The following ZNF462 variants were observed in gnomAD, a reference collection of about 807,000 sequenced individuals.
ZNF462 encodes zinc finger protein 462.
A neutral mutation model predicts 201.9 loss-of-function variants in ZNF462; 10 were observed. The ratio of observed to expected loss-of-function variants is 0.05; its 90% CI spans 0.03 to 0.08. The LOEUF is 0.08. Ranked by LOEUF, ZNF462 falls within the 10% of genes least tolerant of loss-of-function variation. The pLI, the probability that ZNF462 is intolerant of heterozygous loss-of-function variation, is 1.00. For missense variants in ZNF462, 2,523 were observed against 3,168.3 expected, an observed-to-expected ratio of 0.80 and a Z score of 4.89; for synonymous variants, 1,227 against 1,193.3, an observed-to-expected ratio of 1.03 and a Z score of -0.58.
chr9:106,903,059 AT>A (rs912042145), intron 1 of ZNF462, among the ~76,000 whole-genome samples: 5 of 151,814 alleles, frequency 3.3e-5, no homozygotes, highest in African/African-American at 1.2e-4. Context: ...TTTGATGTAG[AT>A]GTAGGCATTT....
upstream of ZNF462, chr9:106,863,061 GAGA>G (rs1308386681): frequency 7.6e-4 from 299 of 393,090 alleles, no homozygotes; most frequent in Middle Eastern, 6.4e-3. Flanking sequence ...GGAGAGGAGA[GAGA>G]AGAGGAGAGA....
In ZNF462 at chr9:107,009,586, G is replaced by A; in HGVS notation, c.7231G>A (p.Glu2411Lys). ...TGACCACGGGGCTGCTCTTAACACT[G>A]AGAAGCGTTTTCCATGTGAATTTTG... ...FSDHGAALNT[E>K]KRFPCEFCGR... The change falls in exon 12 of 13, where the codon GAG becomes AAG. Residue 2411 changes from glutamate to lysine, a missense_variant. This residue lies in a region of ZNF462 where 228 missense variants were observed against 361.2 expected (regional missense o/e 0.63). Coordinates refer to ENST00000277225, the MANE Select transcript of ZNF462 (RefSeq NM_021224.6). This position sits in a 1 kb window ranked among gnomAD's most constrained non-coding sequence, Gnocchi z 6.1. The A allele has an allele frequency of 1.9e-6, 3 of 1,614,014 alleles. No homozygotes were observed. The highest frequency in any genetic ancestry group is 2.5e-6 in the Non-Finnish European group (3 of 1,179,966).
chr9:106,972,710 G>A lies in ZNF462; in HGVS notation c.6695+438G>A, dbSNP rs142470918. Reference sequence around the variant, plus strand: ...TGATAGAAAATTCTTTAATTCTTAAGATCGTAGTATTGAAAGACACATAGA... The same window carrying A: ...TGATAGAAAATTCTTTAATTCTTAAAATCGTAGTATTGAAAGACACATAGA... On this transcript the variant is annotated intron_variant, in intron 8 of 12. Coordinates refer to ENST00000277225, the MANE Select transcript of ZNF462 (RefSeq NM_021224.6). This position sits in a 1 kb window ranked among gnomAD's most constrained non-coding sequence, Gnocchi z 4.8. 1.3e-5 allele frequency among the ~76,000 whole-genome samples: 2 copies of A among 152,244 alleles called. No individual in the cohort carries two copies. Among genetic ancestry groups the A allele is most frequent in the Admixed American group, 1.3e-4 (2 of 15,296 alleles).
rs1386105689 is a variant in ZNF462, at chr9:107,009,598, C to G, written c.7243C>G (p.Pro2415Ala). 7.4e-6 allele frequency: 12 copies of G among 1,613,974 alleles called. No individual in the cohort carries two copies. The highest frequency in any genetic ancestry group is 1.0e-5 in the Non-Finnish European group (12 of 1,179,958). The change falls in exon 12 of 13, where the codon CCA becomes GCA. Residue 2415 changes from proline to alanine, a missense_variant. Transcript: ENST00000277225. This position sits in a 1 kb window ranked among gnomAD's most constrained non-coding sequence, Gnocchi z 6.1. The part of the protein sequence containing the change: ...GAALNTEKRF[P>A]CEFCGRAFSQ... ...TGCTCTTAACACTGAGAAGCGTTTT[C>G]CATGTGAATTTTGTGGACGGGCGTT...
intron 7 of ZNF462, among the ~76,000 whole-genome samples, chr9:106,946,296 T>C (rs1002357682): frequency 5.3e-5 from 8 of 152,210 alleles, no homozygotes; most frequent in Non-Finnish European, 8.8e-5. Context: ...CTTTATTCTT[T>C]AGCAGAAAAA....
chr9:107,004,079 GTATATTTAGTTGTGGATA>G (rs1829383168), intron 11 of ZNF462, among the ~76,000 whole-genome samples: 2 of 152,132 alleles, frequency 1.3e-5, no homozygotes. Context: ...GTTTTCAAAA[GTATATTTAGTTGTGGATA>G]TACATTTATG....
Position 107,012,804 on chromosome 9 carries a change from GC to G in ZNF462, c.*1775del, listed in dbSNP as rs1830001801. 1 of 151,480 alleles carries G rather than the reference GC, an allele frequency of 6.6e-6. No individual in the cohort carries two copies. The highest frequency in any genetic ancestry group is 2.4e-5 in the African/African-American group (1 of 41,284). 9.4% of individuals were successfully genotyped at this position (151,480 alleles called of 1,614,324 possible). A position where few individuals can be genotyped will look rare whatever the true frequency, so the allele number is the denominator to read the frequency against. On this transcript the variant is annotated 3_prime_UTR_variant, in exon 13 of 13. Coordinates refer to ENST00000277225, the MANE Select transcript of ZNF462 (RefSeq NM_021224.6). The stretch of plus-strand genomic sequence containing the variant: ...TGCTGAGATGACAGTGTCCCACACA[GC>G]TTCAAATAAAATCCATGGAAAGATG...
intron 1 of ZNF462, among the ~76,000 whole-genome samples, chr9:106,889,023 C>G (rs1828454059): frequency 6.6e-6 from 1 of 152,194 alleles, no homozygotes; most frequent in South Asian, 2.1e-4. Flanking sequence ...CAGAAAGATT[C>G]TCTTTCTAGC....
chr9:106,873,536 C>T (rs1205566744), intron 1 of ZNF462, among the ~76,000 whole-genome samples: 3 of 152,046 alleles, frequency 2.0e-5, no homozygotes, highest in Non-Finnish European at 4.4e-5. Flanking sequence ...AAAAGCTACG[C>T]AGATGTTTGA....
At chr9:106,975,351 G>A (rs547147107) in intron 9 of ZNF462, 1 of 152,332 alleles carries the variant, frequency 6.6e-6, no homozygotes, top group African/African-American at 2.4e-5. Context: ...ACTCTGAAAT[G>A]CTGAGTATTT....
At position 106,966,331 on chromosome 9, in the gene ZNF462, G is replaced by T. The variant is rs1238773452; in HGVS notation, c.6428-5674G>T. 6.6e-6 allele frequency among the ~76,000 whole-genome samples: 1 copy of T among 151,934 alleles called. No homozygotes were observed. Among genetic ancestry groups the T allele is most frequent in the East Asian group, 1.9e-4 (1 of 5,170 alleles). Reference sequence around the variant, plus strand: ...TTTTCATTGTGATAATAATGTAGTTGTTGAATTTCTGTTTAGTTTCTCCAA... The same window carrying T: ...TTTTCATTGTGATAATAATGTAGTTTTTGAATTTCTGTTTAGTTTCTCCAA... On this transcript the variant is annotated intron_variant, in intron 7 of 12. Transcript: ENST00000277225. This position sits in a 1 kb window ranked among gnomAD's most constrained non-coding sequence, Gnocchi z 4.4.
At chr9:106,987,499 CTTTTTCATGAGATTGTT>C (rs1205212620) in intron 10 of ZNF462, among the ~76,000 whole-genome samples, 1 of 152,018 alleles carries the variant, frequency 6.6e-6, no homozygotes, top group Non-Finnish European at 1.5e-5. Flanking sequence ...CCTTAGCCCA[CTTTTTCATGAGATTGTT>C]TTTTTCTTAC....
At chr9:106,964,102 TG>T (rs1831966662) in intron 7 of ZNF462, among the ~76,000 whole-genome samples, 2 of 151,988 alleles carry the variant, frequency 1.3e-5, no homozygotes, top group Admixed American at 6.6e-5. Context: ...TTCTACCTCC[TG>T]GCTATTGTAA....
Position 106,968,526 on chromosome 9 carries a change from T to C in ZNF462, c.6428-3479T>C, listed in dbSNP as rs951966533. On this transcript the variant is annotated intron_variant, in intron 7 of 12. Transcript: ENST00000277225. This position sits in a 1 kb window ranked among gnomAD's most constrained non-coding sequence, Gnocchi z 4.0. The stretch of plus-strand genomic sequence containing the variant: ...AGAGAATAAAACTCTTTTCTCAGAC[T>C]GTATGTGTCAGGGTTGGTTGGTTGG... Among the ~76,000 whole-genome samples the C allele has an allele frequency of 6.6e-6, 1 of 151,662 alleles. No homozygotes were observed. Among genetic ancestry groups the C allele is most frequent in the Non-Finnish European group, 1.5e-5 (1 of 68,028 alleles).
In ZNF462 at chr9:106,935,676, C is replaced by T; in HGVS notation, c.6235+55C>T. ...CTTTAGCACTCTCTGAGTTTGAAAC[C>T]TGATGATCTTTATTGAGTGAAATAC... On this transcript the variant is annotated intron_variant, in intron 6 of 12. Transcript: ENST00000277225. This position sits in a 1 kb window ranked among gnomAD's most constrained non-coding sequence, Gnocchi z 4.1. The T allele has an allele frequency of 2.2e-6, 3 of 1,395,350 alleles. No homozygotes were observed. Among genetic ancestry groups the T allele is most frequent in the Non-Finnish European group, 3.1e-6 (3 of 983,322 alleles). The allele number at this position is 1,395,350 out of a possible 1,614,324, so 86.4% of individuals were successfully genotyped here.
Position 106,926,321 on chromosome 9 carries a change from C to T in ZNF462, c.2409C>T (p.Ser803=), listed in dbSNP as rs1206549870. The T allele has an allele frequency of 6.2e-7, 1 of 1,614,032 alleles. No individual in the cohort carries two copies. Among genetic ancestry groups the T allele is most frequent in the African/African-American group, 1.3e-5 (1 of 74,910 alleles). The change falls in exon 3 of 13, where the codon TCC becomes TCT. Residue 803 remains serine, a synonymous_variant. Coordinates refer to ENST00000277225, the MANE Select transcript of ZNF462 (RefSeq NM_021224.6). The surrounding 1 kb of genome is among the most constrained non-coding windows in gnomAD (Gnocchi z 7.9). ...AAGATGAAGAGGATTATTATGGCTCCTCAACAAACTTGAAAGATCACCAAG... is the reference window on the plus strand; with the variant it reads ...AAGATGAAGAGGATTATTATGGCTCTTCAACAAACTTGAAAGATCACCAAG... ...LSEDEEDYYG[S]STNLKDHQVS...
At chr9:106,947,140 T>C (rs1302245647) in intron 7 of ZNF462, among the ~76,000 whole-genome samples, 1 of 152,216 alleles carries the variant, frequency 6.6e-6, no homozygotes, top group Non-Finnish European at 1.5e-5. Flanking sequence ...CAGGAAATGA[T>C]ATGTTCCTGC....
chr9:106,869,266 G>A (rs1319127448), intron 1 of ZNF462, among the ~76,000 whole-genome samples: 1 of 152,204 alleles, frequency 6.6e-6, no homozygotes, highest in Non-Finnish European at 1.5e-5. Flanking sequence ...GTTTTCCAAT[G>A]TTCTTACTCA....
Position 106,925,803 on chromosome 9 carries a change from A to G in ZNF462, c.1891A>G (p.Lys631Glu), listed in dbSNP as rs1830170127. The part of the protein sequence containing the change: ...HKHSFCDNLP[K>E]FEGQPSSLPL... ...ACATTCATTCTGTGACAACTTGCCA[A>G]AATTCGAGGGGCAGCCCTCAAGCCT... The change falls in exon 3 of 13, where the codon AAA becomes GAA. Residue 631 changes from lysine to glutamate, a missense_variant. Physicochemically the swap from Lys to Glu is moderately conservative, Grantham distance 56 (BLOSUM62 1). This residue lies in a region of ZNF462 where 383 missense variants were observed against 453.4 expected (regional missense o/e 0.84). Coordinates refer to ENST00000277225, the MANE Select transcript of ZNF462 (RefSeq NM_021224.6). This position sits in a 1 kb window ranked among gnomAD's most constrained non-coding sequence, Gnocchi z 7.9. The G allele has an allele frequency of 6.2e-7, 1 of 1,614,264 alleles. No homozygotes were observed. The highest frequency in any genetic ancestry group is 8.5e-7 in the Non-Finnish European group (1 of 1,180,042).
Sources: gnomAD v4.1 joint callset for allele counts (sites outside exome capture counted in the v4.1 genomes callset) on GRCh38, gnomAD v4.1.1 for gene constraint, gnomAD v4.1.1 regional missense constraint, Gnocchi (gnomAD v3.1) non-coding constraint, MANE v1.5 for transcripts, NCBI Gene and HGNC (gene_info 2026-07-23, HGNC 2026-07-21) for gene names.